ZNF799: variants seen among roughly 807,000 people sequenced by gnomAD.
The protein encoded by ZNF799 is zinc finger protein 14.
Under a neutral mutation model 41.0 loss-of-function variants are expected in ZNF799, and 28 were observed. The observed-to-expected ratio is 0.68, with a 90% CI of 0.51 to 0.94. ZNF799 has a LOEUF of 0.94. Among genes scored for constraint, ZNF799 ranks in the 40% least tolerant of loss-of-function variants. ZNF799 has a pLI of 0.00. For synonymous variants in ZNF799, 213 were observed against 252.9 expected, an observed-to-expected ratio of 0.84 and a Z score of 1.50; for missense variants, 716 against 764.3, an observed-to-expected ratio of 0.94 and a Z score of 0.74.
chr19:12,391,613 A>G lies in ZNF799; in HGVS notation c.785T>C (p.Phe262Ser). ...LYECKQCSKA[F>S]PDYSSCLRHE... The stretch of plus-strand genomic sequence containing the variant: ...TCTTAGACAAGAACTGTAATCAGGG[A>G]AGGCTTTAGAACACTGTTTACATTC... Residue 262 changes from phenylalanine (F) to serine (S), a missense_variant, in exon 4 of 4, where the codon TTC becomes TCC. Phe to Ser is a radical substitution (Grantham distance 155, BLOSUM62 -2). Around this residue, in one of 2 missense-constraint regions of ZNF799, gnomAD observed 698 missense variants for 713.6 expected, o/e 0.98. Transcript: ENST00000430385. The G allele has an allele frequency of 6.2e-7, 1 of 1,612,410 alleles. No individual in the cohort carries two copies. The highest frequency in any genetic ancestry group is 8.5e-7 in the Non-Finnish European group (1 of 1,178,630).
At chr19:12,401,882 ACT>A (rs200767105), upstream of ZNF799, among the ~76,000 whole-genome samples, 1,337 of 151,740 alleles carry the variant, frequency 8.8e-3, 14 homozygotes, top group African/African-American at 0.03. Flanking sequence ...CTCCAATTAT[ACT>A]CTTTTTCAAT....
rs372293608 is a variant in ZNF799 at position 12,391,143 on chromosome 19, T to C, written c.1255A>G (p.Lys419Glu). ...QRHEKTHTAE[K>E]PYKCKQCGKA... ...CCACATTGTTTACATTTATAGGGTTTCTCTGCAGTGTGAGTCTTTTCATGC... is the reference window on the plus strand; with the variant it reads ...CCACATTGTTTACATTTATAGGGTTCCTCTGCAGTGTGAGTCTTTTCATGC... Residue 419 changes from lysine to glutamate, a missense_variant, in exon 4 of 4, where the codon AAA becomes GAA. By Grantham distance (56) the Lys-to-Glu change is moderately conservative. Around this residue, in one of 2 missense-constraint regions of ZNF799, gnomAD observed 698 missense variants for 713.6 expected, o/e 0.98. Transcript: ENST00000430385. 5 of 1,614,110 alleles carry C rather than the reference T, an allele frequency of 3.1e-6. No individual in the cohort carries two copies. The African/African-American group carries it at 5.3e-5, about 17-fold the overall frequency.
At chr19:12,396,243 T>G (rs1568503491) in intron 1 of ZNF799, among the ~76,000 whole-genome samples, 1 of 152,172 alleles carries the variant, frequency 6.6e-6, no homozygotes, top group Non-Finnish European at 1.5e-5. Context: ...ACTCACTGAA[T>G]AAAAACGTTA....
upstream of ZNF799, among the ~76,000 whole-genome samples, chr19:12,401,541 C>CTT (rs769048606): frequency 7.6e-3 from 319 of 41,740 alleles, 37 homozygotes; most frequent in African/African-American, 0.012. Context: ...AACAATTATA[C>CTT]TTTTTTTTTT....
In ZNF799 at chr19:12,391,238, T is replaced by C; in HGVS notation, c.1160A>G (p.His387Arg). Reference sequence around the variant, plus strand: ...GCATTTGTGAGGTCCATCTCCAGTGTGCATTGTCATGTGTCTTCGAAAGCT... The same window carrying C: ...GCATTTGTGAGGTCCATCTCCAGTGCGCATTGTCATGTGTCTTCGAAAGCT... ...SSSFRRHMTM[H>R]TGDGPHKCKI... Residue 387 changes from histidine to arginine, a missense_variant, in exon 4 of 4, where the codon CAC (histidine) becomes CGC (arginine). Physicochemically the swap from His to Arg is conservative, Grantham distance 29 (BLOSUM62 0). Around this residue, in one of 2 missense-constraint regions of ZNF799, gnomAD observed 698 missense variants for 713.6 expected, o/e 0.98. Transcript: ENST00000430385. 6.2e-7 allele frequency: 1 copy of C among 1,614,214 alleles called. No homozygotes were observed. Among genetic ancestry groups the C allele is most frequent in the East Asian group, 2.2e-5 (1 of 44,884 alleles).
chr19:12,394,817 T>C (rs1214290981), intron 1 of ZNF799: 1 of 985,224 alleles, frequency 1.0e-6, no homozygotes, highest in African/African-American at 1.7e-5. Context: ...ATCTAAAAAA[T>C]GCTGAAAGCC....
rs200214308 is a variant in ZNF799 at position 12,391,307 on chromosome 19, A to C, written c.1091T>G (p.Leu364Arg). ...TTTCCCACACTGCTTGCATTCATAG[A>C]GTTTCTCTCCAGTGTGAGTTCTTTC... ...SHERTHTGEK[L>R]YECKQCGKAL... The change falls in exon 4 of 4, where the codon CTC becomes CGC. Residue 364 changes from leucine (L) to arginine (R), a missense_variant. Leu to Arg is a moderately radical substitution (Grantham distance 102). This residue lies in a region of ZNF799 where 698 missense variants were observed against 713.6 expected (regional missense o/e 0.98). Transcript: ENST00000430385. The C allele has an allele frequency of 3.1e-6, 5 of 1,613,724 alleles. No individual in the cohort carries two copies. The highest frequency in any genetic ancestry group is 2.2e-5 in the East Asian group (1 of 44,820).
Position 12,390,707 on chromosome 19 carries a change from T to A in ZNF799, c.1691A>T (p.Gln564Leu), listed in dbSNP as rs955900940. The A allele has an allele frequency of 6.2e-7, 1 of 1,613,830 alleles. No individual in the cohort carries two copies. The highest frequency in any genetic ancestry group is 2.2e-5 in the East Asian group (1 of 44,840). Residue 564 changes from glutamine to leucine, a missense_variant, in exon 4 of 4, where the codon CAA becomes CTA. By Grantham distance (113) the Gln-to-Leu change is moderately radical. This residue lies in a region of ZNF799 where 698 missense variants were observed against 713.6 expected (regional missense o/e 0.98). Coordinates refer to ENST00000430385, the MANE Select transcript of ZNF799 (RefSeq NM_001080821.3). ...HMREKPYECQ[Q>L]CGKAFTHSRF... is the part of the protein sequence containing the mutation. ...GGAATGAGTGAAGGCTTTACCACAT[T>A]GTTGACACTCATAGGGTTTCTCTCT...
Position 12,401,122 on chromosome 19 carries a change from G to T in ZNF799, c.-52C>A, listed in dbSNP as rs1020916595. The T allele has an allele frequency of 6.2e-7, 1 of 1,612,894 alleles. No individual in the cohort carries two copies. Among genetic ancestry groups the T allele is most frequent in the African/African-American group, 1.3e-5 (1 of 74,938 alleles). On this transcript the variant is annotated 5_prime_UTR_variant, in exon 1 of 4. Coordinates refer to ENST00000430385, the MANE Select transcript of ZNF799 (RefSeq NM_001080821.3). Reference sequence around the variant, plus strand: ...CCTCCGGACGGCTCCCGCTGCCAATGCGGGTTCCCGCGGGACACAGGCTGC... The same window carrying T: ...CCTCCGGACGGCTCCCGCTGCCAATTCGGGTTCCCGCGGGACACAGGCTGC...
At chr19:12,405,476 GCTA>G (rs1970023360), upstream of ZNF799, among the ~76,000 whole-genome samples, 1 of 152,140 alleles carries the variant, frequency 6.6e-6, no homozygotes, top group South Asian at 2.1e-4. Flanking sequence ...GAAAATAAAT[GCTA>G]AAGTAGGATT....
Position 12,391,269 on chromosome 19 carries a change from TATGAG to T in ZNF799, c.1124_1128del (p.Ser375Ter), listed in dbSNP as rs775737284. 5.0e-6 allele frequency: 8 copies of T among 1,614,084 alleles called. No homozygotes were observed. The South Asian group carries it at 7.7e-5, about 16-fold the overall frequency. On this transcript the variant is annotated frameshift_variant, in exon 4 of 4. Coordinates refer to ENST00000430385, the MANE Select transcript of ZNF799 (RefSeq NM_001080821.3). LOFTEE classifies it high-confidence loss of function. The stretch of plus-strand genomic sequence containing the variant: ...GTCATGTGTCTTCGAAAGCTTGAGC[TATGAG>T]ATAACGCTTTCCCACACTGCTTGCA...
upstream of ZNF799, among the ~76,000 whole-genome samples, chr19:12,405,548 T>C (rs1691125076): frequency 6.6e-6 from 1 of 152,190 alleles, no homozygotes; most frequent in South Asian, 2.1e-4. Context: ...CCACAAAGAC[T>C]GAAAGAGGTA....
In ZNF799 at chr19:12,390,690, T is replaced by A; in HGVS notation, c.1708A>T (p.Thr570Ser). ...TGTCCTTGAAGAAAACGGGAATGAG[T>A]GAAGGCTTTACCACATTGTTGACAC... ...YECQQCGKAF[T>S]HSRFLQGHEK... The change falls in exon 4 of 4, where the codon ACT (threonine) becomes TCT (serine). Residue 570 changes from threonine (T) to serine (S), a missense_variant. Thr to Ser is a moderately conservative substitution (Grantham distance 58). Coordinates refer to ENST00000430385, the MANE Select transcript of ZNF799 (RefSeq NM_001080821.3). The A allele has an allele frequency of 6.2e-7, 1 of 1,613,692 alleles. No homozygotes were observed. The highest frequency in any genetic ancestry group is 8.5e-7 in the Non-Finnish European group (1 of 1,179,808).
At chr19:12,398,612 C>A (rs978381577) in intron 1 of ZNF799, among the ~76,000 whole-genome samples, 5 of 152,198 alleles carry the variant, frequency 3.3e-5, no homozygotes, top group Non-Finnish European at 7.3e-5. Context: ...TCCTGTCCCA[C>A]AGAATTTAGC....
At position 12,390,423 on chromosome 19, in the gene ZNF799, A is replaced by T; in HGVS notation, c.*43T>A. 6.2e-7 allele frequency: 1 copy of T among 1,606,614 alleles called. No homozygotes were observed. The highest frequency in any genetic ancestry group is 1.1e-5 in the South Asian group (1 of 90,178). On this transcript the variant is annotated 3_prime_UTR_variant, in exon 4 of 4. Coordinates refer to ENST00000430385, the MANE Select transcript of ZNF799 (RefSeq NM_001080821.3). ...GTACAAGTATCTGAAATGAAATAAA[A>T]TTAATAAATGCTTTCCCACATTCCA...
In ZNF799 at chr19:12,390,347, T is replaced by C; in HGVS notation, c.*119A>G. 1 of 1,574,862 alleles carries C rather than the reference T, an allele frequency of 6.3e-7. No homozygotes were observed. Among genetic ancestry groups the C allele is most frequent in the South Asian group, 1.2e-5 (1 of 84,296 alleles). On this transcript the variant is annotated 3_prime_UTR_variant, in exon 4 of 4. Coordinates refer to ENST00000430385, the MANE Select transcript of ZNF799 (RefSeq NM_001080821.3). ...GTACTGGAAAGAAACTGAAATTACT[T>C]AAGGTTTTACCAAGTGCTTACATTC...
intron 1 of ZNF799, among the ~76,000 whole-genome samples, chr19:12,397,558 C>A: frequency 1.4e-5 from 2 of 142,042 alleles, no homozygotes; most frequent in Non-Finnish European, 1.5e-5. Context: ...GAGCAAGACC[C>A]TGTCTCAAAA....
In ZNF799 at chr19:12,393,315, T is replaced by C; in HGVS notation, c.112A>G (p.Arg38Gly). 1 of 952,468 alleles carries C rather than the reference T, an allele frequency of 1.0e-6. No homozygotes were observed. Among genetic ancestry groups the C allele is most frequent in the Non-Finnish European group, 1.6e-6 (1 of 620,340 alleles). The allele number at this position is 952,468 out of a possible 1,614,324, so 59.0% of individuals were successfully genotyped here. A position where few individuals can be genotyped will look rare whatever the true frequency, so the allele number is the denominator to read the frequency against. The change falls in exon 2 of 4, where the codon AGG (arginine) becomes GGG (glycine). Residue 38 changes from arginine to glycine, a missense_variant. Physicochemically the swap from Arg to Gly is moderately radical, Grantham distance 125. Coordinates refer to ENST00000430385, the MANE Select transcript of ZNF799 (RefSeq NM_001080821.3). Reference sequence around the variant, plus strand: ...TCCTTACCTACACAATCCAGGTTCCTGATGGTTTCCTGCATCACATCTTTG... The same window carrying C: ...TCCTTACCTACACAATCCAGGTTCCCGATGGTTTCCTGCATCACATCTTTG... Reference protein sequence around the residue: ...LYKDVMQETIRNLDCVGMKWK... With the variant: ...LYKDVMQETIGNLDCVGMKWK...
At chr19:12,393,601 T>C in intron 1 of ZNF799, 178 bp from the exon 2 acceptor site, 2 of 1,456,114 alleles carry the variant, frequency 1.4e-6, no homozygotes, top group South Asian at 2.8e-5. Flanking sequence ...ACTCTGAAGC[T>C]ACAGTTAAAC....
Sources: allele counts gnomAD v4.1 joint callset (sites outside exome capture counted in the v4.1 genomes callset), GRCh38; gene constraint gnomAD v4.1.1; regional missense constraint gnomAD v4.1.1; transcripts MANE v1.5; gene names NCBI Gene and HGNC (gene_info 2026-07-23, HGNC 2026-07-21).